SLC38A8: variants seen among roughly 807,000 people sequenced by gnomAD.
SLC38A8 encodes the protein solute carrier family 38 member 8.
A neutral mutation model predicts 46.0 loss-of-function variants in SLC38A8; 65 were observed. That is an observed-to-expected ratio of 1.41 (90% CI 1.16 to 1.74). The LOEUF (loss-of-function observed/expected upper bound fraction) is 1.74, where lower values mean the gene tolerates loss of function less well. Ranked by LOEUF, SLC38A8 falls within the 40% of genes most tolerant of loss-of-function variation. The probability of loss-of-function intolerance (pLI) is 0.00; values close to 1 mark genes in which losing one functional copy is unlikely to be tolerated. For missense variants in SLC38A8, 998 were observed against 567.9 expected (o/e 1.76, Z -7.70); for synonymous variants, 447 against 243.7 (o/e 1.83, Z -7.77).
At position 84,026,156 on chromosome 16, in the gene SLC38A8, T is replaced by G. The variant is rs554943412; in HGVS notation, c.691-3267A>C. Among the ~76,000 whole-genome samples the G allele has an allele frequency of 3.3e-5, 5 of 152,370 alleles. No homozygotes were observed. In the East Asian group the frequency reaches 7.7e-4, roughly 24 times the overall value. On this transcript the variant is annotated intron_variant, in intron 6 of 10. Transcript: ENST00000299709. ...ATATAAGGGAAAAGACAGTTAGTAG[T>G]GCCAGACAGGTTGGTGGGCAGGAGG...
chr16:84,018,022 C>G (rs1489918456), intron 7 of SLC38A8, among the ~76,000 whole-genome samples: 1 of 152,032 alleles, frequency 6.6e-6, no homozygotes, highest in Non-Finnish European at 1.5e-5. Context: ...GTATCTTAGT[C>G]CATTTTTTGT....
intron 10 of SLC38A8, among the ~76,000 whole-genome samples, chr16:84,012,304 G>C (rs557303154): frequency 6.6e-6 from 1 of 152,218 alleles, no homozygotes; most frequent in Non-Finnish European, 1.5e-5. Flanking sequence ...CCGTGGGTCA[G>C]ACTCAGCTGC....
At chr16:84,021,683 G>C (rs1461544253) in intron 7 of SLC38A8, among the ~76,000 whole-genome samples, 5 of 152,178 alleles carry the variant, frequency 3.3e-5, no homozygotes, top group African/African-American at 1.2e-4. Context: ...CCACGTTCCA[G>C]GTAGTCAATC....
chr16:84,025,908 G>C (rs1299616502), intron 6 of SLC38A8, among the ~76,000 whole-genome samples: 1 of 152,208 alleles, frequency 6.6e-6, no homozygotes, highest in African/African-American at 2.4e-5. Flanking sequence ...GCCAGCAGGG[G>C]GGACGCAACC....
intron 10 of SLC38A8, among the ~76,000 whole-genome samples, 179 bp from the exon 11 acceptor site, chr16:84,010,056 G>A (rs935392501): frequency 2.0e-5 from 3 of 147,668 alleles, no homozygotes; most frequent in Admixed American, 6.8e-5. Flanking sequence ...GGGAAGCAAA[G>A]TACCCAGGCA....
chr16:84,037,251 T>C (rs1295225330), intron 2 of SLC38A8, among the ~76,000 whole-genome samples: 1 of 152,228 alleles, frequency 6.6e-6, no homozygotes, highest in Non-Finnish European at 1.5e-5. Flanking sequence ...GGAGAGGCAG[T>C]AGGCGTGGTG....
At chr16:84,017,059 G>A (rs1223711203) in intron 8 of SLC38A8, 81 bp downstream of exon 8, 11 of 1,560,064 alleles carry the variant, frequency 7.1e-6, no homozygotes, top group Non-Finnish European at 9.6e-6. Context: ...CAGCCGCGTA[G>A]CCCACACCTG....
At chr16:84,040,333 TC>T (rs1567706186) in intron 2 of SLC38A8, among the ~76,000 whole-genome samples, 1 of 152,152 alleles carries the variant, frequency 6.6e-6, no homozygotes, top group East Asian at 1.9e-4. Context: ...GGTTCCCTTC[TC>T]CTCAAGTCTG....
intron 6 of SLC38A8, among the ~76,000 whole-genome samples, chr16:84,027,352 G>A (rs1174571881): frequency 6.6e-6 from 1 of 151,120 alleles, no homozygotes; most frequent in Non-Finnish European, 1.5e-5. Flanking sequence ...TGCCACAAAA[G>A]CAAAATTAAA....
chr16:84,036,895 C>A lies in SLC38A8; in HGVS notation c.195G>T (p.Ser65=), dbSNP rs1317524. 6.2e-7 allele frequency: 1 copy of A among 1,609,832 alleles called. No individual in the cohort carries two copies. The highest frequency in any genetic ancestry group is 8.5e-7 in the Non-Finnish European group (1 of 1,179,068). The change falls in exon 3 of 11, where the codon TCG becomes TCT. Residue 65 remains serine (S), a synonymous_variant. Coordinates refer to ENST00000299709, the MANE Select transcript of SLC38A8 (RefSeq NM_001080442.3). The part of the protein sequence containing the change: ...VVPAFLVELV[S]LVFLISGLVI... ...CCAGCCCGCTGATCAGGAAGACCAA[C>A]GAGACCTGCGGAGAAGGAGCAGGAC...
chr16:84,036,500 T>C (rs1453639781), intron 3 of SLC38A8, among the ~76,000 whole-genome samples: 4 of 152,262 alleles, frequency 2.6e-5, no homozygotes, highest in Admixed American at 2.0e-4. Flanking sequence ...CATGCACTTG[T>C]GTGCCCATGA....
At chr16:84,023,827 G>A (rs1055330036) in intron 6 of SLC38A8, among the ~76,000 whole-genome samples, 3 of 152,240 alleles carry the variant, frequency 2.0e-5, no homozygotes, top group Admixed American at 6.5e-5. Context: ...TCGGGAGGCG[G>A]AGGTTGCAGT....
chr16:84,013,422 G>GTTTTTT lies in SLC38A8; in HGVS notation c.1163-371_1163-370insAAAAAA, dbSNP rs369454720. 3.0e-3 allele frequency among the ~76,000 whole-genome samples: 326 copies of GTTTTTT among 108,620 alleles called. 13 individuals carry two copies. Among genetic ancestry groups the GTTTTTT allele is most frequent in the African/African-American group, 6.7e-3 (165 of 24,498 alleles). 71.3% of individuals were successfully genotyped at this position (108,620 alleles called of 152,430 possible). On this transcript the variant is annotated intron_variant, in intron 9 of 10. Coordinates refer to ENST00000299709, the MANE Select transcript of SLC38A8 (RefSeq NM_001080442.3). Reference sequence around the variant, plus strand: ...ACCATTACTTTCTTTTGTTGTGTGTGTGTTTTTTTTTTTTTTTTTTTTTTT... The same window carrying GTTTTTT: ...ACCATTACTTTCTTTTGTTGTGTGTGTTTTTTTGTTTTTTTTTTTTTTTTTTTTTTT...
At chr16:84,016,114 G>C (rs2085021729) in intron 9 of SLC38A8, among the ~76,000 whole-genome samples, 1 of 149,600 alleles carries the variant, frequency 6.7e-6, no homozygotes, top group South Asian at 2.1e-4. Flanking sequence ...AGGCAAGAGA[G>C]CTTGTGCTGG....
chr16:84,022,710 C>A (rs150458460), intron 7 of SLC38A8, 65 bp downstream of exon 7: 22 of 1,230,348 alleles, frequency 1.8e-5, no homozygotes, highest in Non-Finnish European at 2.2e-5. Context: ...GAGAGATACT[C>A]GCTGTTACTC....
At chr16:84,011,122 G>T (rs1179108793) in intron 10 of SLC38A8, among the ~76,000 whole-genome samples, 3 of 152,194 alleles carry the variant, frequency 2.0e-5, no homozygotes, top group African/African-American at 7.2e-5. Flanking sequence ...CAGCACGGCT[G>T]TTCAGCGCCA....
At chr16:84,026,531 C>T (rs970868771) in intron 6 of SLC38A8, among the ~76,000 whole-genome samples, 1 of 152,148 alleles carries the variant, frequency 6.6e-6, no homozygotes, top group Non-Finnish European at 1.5e-5. Context: ...CCAGCCTCTA[C>T]TGGTTTTATA....
chr16:84,041,878 G>C (rs192179071), intron 2 of SLC38A8, 91 bp downstream of exon 2: 3 of 1,179,960 alleles, frequency 2.5e-6, no homozygotes, highest in East Asian at 4.8e-5. Context: ...TACAGGACAC[G>C]CAACTCCGCA....
intron 2 of SLC38A8, among the ~76,000 whole-genome samples, chr16:84,039,200 C>G (rs933063485): frequency 1.3e-5 from 2 of 152,160 alleles, no homozygotes; most frequent in African/African-American, 4.8e-5. Flanking sequence ...CTGCTGACAC[C>G]TTCATGTCAG....
Sources: gnomAD v4.1 joint callset for allele counts (sites outside exome capture counted in the v4.1 genomes callset) on GRCh38, gnomAD v4.1.1 for gene constraint, MANE v1.5 for transcripts, NCBI Gene and HGNC (gene_info 2026-07-23, HGNC 2026-07-21) for gene names.